ABCC12: variants seen among roughly 807,000 people sequenced by gnomAD.
The protein encoded by ABCC12 is ATP binding cassette subfamily C member 12.
In ABCC12, 142 loss-of-function variants were observed where a neutral mutation model predicts 151.1. The ratio of observed to expected loss-of-function variants is 0.94; its 90% CI spans 0.82 to 1.08. ABCC12 has a LOEUF of 1.08. Among genes scored for constraint, ABCC12 ranks in the 50% least tolerant of loss-of-function variants. ABCC12 has a pLI of 0.00. For missense variants in ABCC12, 1,638 were observed against 1,691.1 expected, an observed-to-expected ratio of 0.97 and a Z score of 0.55; for synonymous variants, 645 against 646.4, an observed-to-expected ratio of 1.00 and a Z score of 0.03.
At chr16:48,085,857 GC>G in intron 28 of ABCC12, 151 bp from the exon 29 acceptor site, 1 of 642,150 alleles carries the variant, frequency 1.6e-6, no homozygotes, top group Non-Finnish European at 2.7e-6. Context: ...TTTCAATATT[GC>G]AAACAGGCAC....
At chr16:48,111,089 A>G (rs530380703) in intron 18 of ABCC12, among the ~76,000 whole-genome samples, 2 of 152,328 alleles carry the variant, frequency 1.3e-5, no homozygotes, top group African/African-American at 4.8e-5. Flanking sequence ...CCAGCTCATA[A>G]TAACTATTGA....
chr16:48,094,890 T>C (rs879334891), intron 24 of ABCC12, among the ~76,000 whole-genome samples: 4 of 152,010 alleles, frequency 2.6e-5, no homozygotes, highest in African/African-American at 9.7e-5. Flanking sequence ...CAGAGGAAAC[T>C]CTGAAAACCC....
chr16:48,124,310 C>T (rs1391878598), intron 11 of ABCC12, 26 bp from the exon 12 acceptor site: 1 of 1,607,002 alleles, frequency 6.2e-7, no homozygotes, highest in South Asian at 1.1e-5. Flanking sequence ...AGATGGGACA[C>T]AGTCACTCTC....
rs1567447477 is a variant in ABCC12 at position 48,104,248 on chromosome 16, G to A, written c.2794C>T (p.Gln932Ter). Residue 932 changes from glutamine (Q) to a stop codon, truncating the protein, a stop_gained, in exon 22 of 31, where the codon CAG becomes TAG. Coordinates refer to ENST00000311303, the MANE Select transcript of ABCC12 (RefSeq NM_001393797.1). LOFTEE classifies it high-confidence loss of function. ...ATAAACACCACCATAAAAAACTGCTGCAGAAAGTTCTCTGCGTGAAACGGC... is the reference window on the plus strand; with the variant it reads ...ATAAACACCACCATAAAAAACTGCTACAGAAAGTTCTCTGCGTGAAACGGC... ...RLPFHAENFL[Q>*]QFFMVVFILV... 8 of 1,614,262 alleles carry A rather than the reference G, an allele frequency of 5.0e-6. No homozygotes were observed. The highest frequency in any genetic ancestry group is 6.8e-6 in the Non-Finnish European group (8 of 1,180,054).
intron 21 of ABCC12, among the ~76,000 whole-genome samples, 182 bp from the exon 22 acceptor site, chr16:48,104,550 G>A (rs542485480): frequency 6.6e-6 from 1 of 152,326 alleles, no homozygotes; most frequent in African/African-American, 2.4e-5. Flanking sequence ...GTGAATGAGT[G>A]TGAATGTGGG....
chr16:48,115,709 G>A, intron 14 of ABCC12, 91 bp from the exon 15 acceptor site: 4 of 1,328,730 alleles, frequency 3.0e-6, no homozygotes, highest in South Asian at 2.9e-5. Context: ...AGGACTCAGG[G>A]GAAAGACGTA....
At chr16:48,083,840 T>C in intron 30 of ABCC12, 39 bp from the exon 31 acceptor site, 1 of 1,614,014 alleles carries the variant, frequency 6.2e-7, no homozygotes, top group Non-Finnish European at 8.5e-7. Context: ...CATCGGAAAA[T>C]ATCTACCCAC....
rs1175493323 is a variant in ABCC12, at chr16:48,083,439, T to A, written c.*276A>T. ...CTGGGGTGGTTTTGGTGAAAACACA[T>A]GAGGAACCCTTGGGGATTTGGGAGG... On this transcript the variant is annotated 3_prime_UTR_variant, in exon 31 of 31. Transcript: ENST00000311303. 2.2e-5 allele frequency: 9 copies of A among 404,032 alleles called. No individual in the cohort carries two copies. The highest frequency in any genetic ancestry group is 3.9e-5 in the Non-Finnish European group (9 of 230,070). The allele number at this position is 404,032 out of a possible 1,614,324, so 25.0% of individuals were successfully genotyped here. A position where few individuals can be genotyped will look rare whatever the true frequency, so the allele number is the denominator to read the frequency against.
At chr16:48,116,822 C>T (rs778308507) in intron 14 of ABCC12, among the ~76,000 whole-genome samples, 1 of 152,068 alleles carries the variant, frequency 6.6e-6, no homozygotes, top group Non-Finnish European at 1.5e-5. Context: ...GTGGCAGGCT[C>T]AGCCCAGGAT....
Position 48,117,123 on chromosome 16 carries a change from T to C in ABCC12, c.1785+138A>G, listed in dbSNP as rs16945813. ...ATAGATCCAGAGGAAGAATTCAGAA[T>C]GGGTGGAACCTGAGCTTTGCCCACA... On this transcript the variant is annotated intron_variant, in intron 14 of 30. Transcript: ENST00000311303. The C allele has an allele frequency of 0.027, 19,569 of 722,080 alleles. 2,824 individuals carry two copies. In the African/African-American group the frequency reaches 0.31, roughly 11 times the overall value. 44.7% of individuals were successfully genotyped at this position (722,080 alleles called of 1,614,324 possible).
intron 23 of ABCC12, among the ~76,000 whole-genome samples, chr16:48,098,322 G>A (rs1963180152): frequency 6.6e-6 from 1 of 152,036 alleles, no homozygotes; most frequent in South Asian, 2.1e-4. Flanking sequence ...AGAAACTACT[G>A]GGGGAAAAAT....
intron 20 of ABCC12, among the ~76,000 whole-genome samples, chr16:48,107,080 C>G (rs1331953787): frequency 6.6e-6 from 1 of 152,184 alleles, no homozygotes; most frequent in Non-Finnish European, 1.5e-5. Context: ...GGGGCACAGT[C>G]TTCTTTAGTC....
chr16:48,101,944 A>G (rs1166403180), intron 22 of ABCC12, among the ~76,000 whole-genome samples: 1 of 152,220 alleles, frequency 6.6e-6, no homozygotes, highest in Non-Finnish European at 1.5e-5. Context: ...GGTCATCACA[A>G]TAAACCCTTG....
At chr16:48,105,676 G>A (rs555150794) in intron 20 of ABCC12, among the ~76,000 whole-genome samples, 1 of 152,312 alleles carries the variant, frequency 6.6e-6, no homozygotes, top group South Asian at 2.1e-4. Context: ...AGATCAGAGA[G>A]GCAAATGGGG....
rs750606777 is a variant in ABCC12 at position 48,138,330 on chromosome 16, A to T, written c.877T>A (p.Leu293Met). Reference sequence around the variant, plus strand: ...GTCTGAACTCGCTTGTCTGTCACCAAAATTGCTGACCTTCGGAAAGCTGAA... The same window carrying T: ...GTCTGAACTCGCTTGTCTGTCACCATAATTGCTGACCTTCGGAAAGCTGAA... ...LNSAFRRSAI[L>M]VTDKRVQTMN... is the part of the protein sequence containing the mutation. The change falls in exon 8 of 31, where the codon TTG becomes ATG. Residue 293 changes from leucine (L) to methionine (M), a missense_variant. Leu to Met is a conservative substitution (Grantham distance 15). Transcript: ENST00000311303. 5 of 1,613,772 alleles carry T rather than the reference A, an allele frequency of 3.1e-6. No individual in the cohort carries two copies. The highest frequency in any genetic ancestry group is 4.2e-6 in the Non-Finnish European group (5 of 1,179,804).
At chr16:48,102,568 A>G (rs1385051770) in intron 22 of ABCC12, among the ~76,000 whole-genome samples, 1 of 152,196 alleles carries the variant, frequency 6.6e-6, no homozygotes, top group Admixed American at 6.5e-5. Flanking sequence ...CCACGGGAAC[A>G]GTGAAAGACA....
intron 22 of ABCC12, 149 bp from the exon 23 acceptor site, chr16:48,101,158 T>C: frequency 2.1e-6 from 2 of 974,330 alleles, no homozygotes; most frequent in Non-Finnish European, 1.5e-6. Context: ...AGCCTGCCAT[T>C]CTGCAGTGGT....
intron 25 of ABCC12, 116 bp downstream of exon 25, chr16:48,091,004 C>A: frequency 9.8e-7 from 1 of 1,021,130 alleles, no homozygotes; most frequent in Non-Finnish European, 1.5e-6. Flanking sequence ...AGCCACCACG[C>A]CCGGCCCGAT....
chr16:48,117,037 G>A (rs1963906718), intron 14 of ABCC12, among the ~76,000 whole-genome samples: 1 of 152,222 alleles, frequency 6.6e-6, no homozygotes, highest in African/African-American at 2.4e-5. Context: ...CCCAAGAAGT[G>A]ACTACACTGT....
Sources: gnomAD v4.1 joint callset for allele counts (sites outside exome capture counted in the v4.1 genomes callset) on GRCh38, gnomAD v4.1.1 for gene constraint, MANE v1.5 for transcripts, NCBI Gene and HGNC (gene_info 2026-07-23, HGNC 2026-07-21) for gene names.